Variants in MMS19 observed in about 807,000 individuals in gnomAD.
MMS19 encodes MMS19 cytosolic iron-sulfur assembly component, also known as MMS19 nucleotide excision repair protein homolog.
In MMS19, 77 loss-of-function variants were observed where a neutral mutation model predicts 129.8. That is an observed-to-expected ratio of 0.59 (90% CI 0.49 to 0.72). The LOEUF is 0.72. Ranked by LOEUF, MMS19 falls within the 30% of genes least tolerant of loss-of-function variation. The probability of loss-of-function intolerance (pLI) is 0.00; values close to 1 mark genes in which losing one functional copy is unlikely to be tolerated. For synonymous variants in MMS19, 491 were observed against 502.8 expected (o/e 0.98, Z 0.31); for missense variants, 1,168 against 1,266.3 (o/e 0.92, Z 1.18).
At chr10:97,470,744 G>T in intron 9 of MMS19, 31 bp downstream of exon 9, 1 of 1,411,708 alleles carries the variant, frequency 7.1e-7, no homozygotes, top group South Asian at 1.2e-5. Context: ...TATGGGCAGA[G>T]GCTATATACC....
In MMS19 at chr10:97,470,810, G is replaced by A. The variant is rs770408439; in HGVS notation, c.736C>T (p.Arg246Cys). Residue 246 changes from arginine to cysteine, a missense_variant, in exon 9 of 31, where the codon CGC (arginine) becomes TGC (cysteine). Physicochemically the swap from Arg to Cys is radical, Grantham distance 180. Around this residue, in one of 3 missense-constraint regions of MMS19, gnomAD observed 329 missense variants for 328.6 expected, o/e 1.00. Coordinates refer to ENST00000438925, the MANE Select transcript of MMS19 (RefSeq NM_022362.5). The part of the protein sequence containing the change: ...IQREDLILSL[R>C]AVLASTPRFA... ...CGTGGTGTAGAAGCCAGCACAGCGC[G>A]AAGACTCAGGATGAGGTCTTCTCTC... 1.7e-5 allele frequency: 27 copies of A among 1,613,710 alleles called. No homozygotes were observed. The highest frequency in any genetic ancestry group is 6.7e-5 in the Admixed American group (4 of 59,990).
intron 25 of MMS19, chr10:97,460,442 G>A (rs2031459913): frequency 3.2e-6 from 2 of 619,180 alleles, no homozygotes; most frequent in Admixed American, 5.9e-5. Context: ...GTGGTGGGGT[G>A]CCCCTGTAGT....
intron 10 of MMS19, among the ~76,000 whole-genome samples, 183 bp downstream of exon 10, chr10:97,469,945 TG>T (rs1396120399): frequency 6.6e-6 from 1 of 152,018 alleles, no homozygotes; most frequent in East Asian, 1.9e-4. Flanking sequence ...TCAGTTACTA[TG>T]GGATGGGGGA....
chr10:97,459,679 G>A lies in MMS19; in HGVS notation c.2719C>T (p.Leu907Phe). 1 of 1,612,488 alleles carries A rather than the reference G, an allele frequency of 6.2e-7. No homozygotes were observed. Among genetic ancestry groups the A allele is most frequent in the Non-Finnish European group, 8.5e-7 (1 of 1,179,244 alleles). Residue 907 changes from leucine to phenylalanine, a missense_variant, in exon 27 of 31, where the codon CTC becomes TTC. By Grantham distance (22) the Leu-to-Phe change is conservative. Coordinates refer to ENST00000438925, the MANE Select transcript of MMS19 (RefSeq NM_022362.5). ...CTTACCGTGGGCAGCTCTGGCAAGAGTACAGGCTTGGGCAGCCTGTTAAGT... is the reference window on the plus strand; with the variant it reads ...CTTACCGTGGGCAGCTCTGGCAAGAATACAGGCTTGGGCAGCCTGTTAAGT... ...HVLNRLPKPVLLPELPTLLSL... is the reference protein window; with the variant it reads ...HVLNRLPKPVFLPELPTLLSL...
intron 1 of MMS19, among the ~76,000 whole-genome samples, chr10:97,495,213 G>A (rs2039569826): frequency 1.3e-5 from 2 of 152,192 alleles, no homozygotes; most frequent in South Asian, 2.1e-4. Flanking sequence ...GGAATTAAAC[G>A]TCCAGGGAGC....
At chr10:97,480,151 C>T (rs1447790544) in intron 3 of MMS19, 1 of 372,992 alleles carries the variant, frequency 2.7e-6, no homozygotes, top group Admixed American at 3.7e-5. Context: ...AGCTTTTTTG[C>T]CGGCTATGTG....
At chr10:97,468,755 T>G (rs1404247473) in intron 12 of MMS19, among the ~76,000 whole-genome samples, 2 of 152,024 alleles carry the variant, frequency 1.3e-5, no homozygotes, top group African/African-American at 4.8e-5. Context: ...ATTACAGGCG[T>G]CCACCACCAC....
intron 13 of MMS19, among the ~76,000 whole-genome samples, chr10:97,467,894 C>CT (rs2033865353): frequency 6.6e-6 from 1 of 150,662 alleles, no homozygotes; most frequent in Non-Finnish European, 1.5e-5. Context: ...TCTTTAAATC[C>CT]TAGCCTCAAG....
At chr10:97,498,674 T>G (rs1589858770), upstream of MMS19, 3 of 426,622 alleles carry the variant, frequency 7.0e-6, no homozygotes, top group Non-Finnish European at 1.3e-5. Context: ...CCTGGCTGGG[T>G]GGGGAGAGGG....
Position 97,458,802 on chromosome 10 carries a change from C to T in MMS19, c.3063G>A (p.Glu1021=). ...CTCCCCACGACCTAGAAACTCACCA[C>T]TCCCCTCTGGCTGACACTGCTTCCT... The part of the protein sequence containing the change: ...VRKEAVSARG[E]WFLLGSPGS Residue 1021 remains glutamate, a splice_region_variant and synonymous_variant, in exon 30 of 31, where the codon GAG becomes GAA. Coordinates refer to ENST00000438925, the MANE Select transcript of MMS19 (RefSeq NM_022362.5). The T allele has an allele frequency of 1.2e-6, 2 of 1,613,996 alleles. No individual in the cohort carries two copies. The highest frequency in any genetic ancestry group is 2.7e-5 in the African/African-American group (2 of 75,042).
intron 8 of MMS19, among the ~76,000 whole-genome samples, chr10:97,471,135 G>A (rs1353572130): frequency 1.3e-5 from 2 of 151,950 alleles, no homozygotes; most frequent in South Asian, 2.1e-4. Flanking sequence ...TCCTTTCTTC[G>A]CTGATATATA....
At chr10:97,472,042 CA>C (rs1166614276) in intron 8 of MMS19, among the ~76,000 whole-genome samples, 1 of 152,010 alleles carries the variant, frequency 6.6e-6, no homozygotes, top group African/African-American at 2.4e-5. Flanking sequence ...CACGGGTTAC[CA>C]GATTGACAGG....
intron 19 of MMS19, among the ~76,000 whole-genome samples, chr10:97,463,590 A>C (rs1370998179): frequency 6.6e-6 from 1 of 152,242 alleles, no homozygotes; most frequent in African/African-American, 2.4e-5. Flanking sequence ...TCCAGAGTCC[A>C]ATTCTAAGTA....
chr10:97,482,740 A>G (rs997548199), intron 2 of MMS19, among the ~76,000 whole-genome samples: 2 of 80,614 alleles, frequency 2.5e-5, no homozygotes, highest in Non-Finnish European at 5.7e-5. Flanking sequence ...ATATATATAC[A>G]CACACACACA....
At chr10:97,464,388 C>G (rs1489309198) in intron 18 of MMS19, among the ~76,000 whole-genome samples, 1 of 152,136 alleles carries the variant, frequency 6.6e-6, no homozygotes, top group Non-Finnish European at 1.5e-5. Flanking sequence ...AGTTATAATC[C>G]AAGTCTAGTA....
At chr10:97,476,611 T>C in intron 8 of MMS19, 72 bp downstream of exon 8, 1 of 1,444,902 alleles carries the variant, frequency 6.9e-7, no homozygotes, top group Non-Finnish European at 9.6e-7. Context: ...GTACCCTCAG[T>C]GCCCAGAACA....
In MMS19 at chr10:97,463,719, C is replaced by A. The variant is rs2032673315; in HGVS notation, c.1912+139G>T. ...GGCACCCTTTGCTATGAAGTGAAAT[C>A]TCACTCTGAGGACAAAGGATTGAAA... On this transcript the variant is annotated intron_variant, in intron 19 of 30. Transcript: ENST00000438925. The A allele has an allele frequency of 4.7e-6, 4 of 850,128 alleles. No homozygotes were observed. The Admixed American group carries it at 1.1e-4, about 24-fold the overall frequency. 52.7% of individuals were successfully genotyped at this position (850,128 alleles called of 1,614,324 possible). A position where few individuals can be genotyped will look rare whatever the true frequency, so the allele number is the denominator to read the frequency against.
rs29001270 is a variant in MMS19 at position 97,488,538 on chromosome 10, TG to T, written c.113-4388del. Among the ~76,000 whole-genome samples, 168 of 152,330 alleles carry T rather than the reference TG, an allele frequency of 1.1e-3. 1 individual carries two copies. Among genetic ancestry groups the T allele is most frequent in the African/African-American group, 3.8e-3 (159 of 41,576 alleles). ...GGATGCTCAAGACCCTTATATAAAA[TG>T]GTAAGAGTATTTGCATACAAACTAT... is the stretch of plus-strand genomic sequence containing the variant. On this transcript the variant is annotated intron_variant, in intron 1 of 30. Transcript: ENST00000438925.
rs28987120 is a variant in MMS19 at position 97,471,663 on chromosome 10, C to T, written c.685-802G>A. Among the ~76,000 whole-genome samples, 233 of 152,138 alleles carry T rather than the reference C, an allele frequency of 1.5e-3. 1 individual carries two copies. The highest frequency in any genetic ancestry group is 3.7e-3 in the South Asian group (18 of 4,822). ...GTAGCTGGGGTTACAGGCGCACCAACACACCTGGCTAATTTTTATATATTT... is the reference window on the plus strand; with the variant it reads ...GTAGCTGGGGTTACAGGCGCACCAATACACCTGGCTAATTTTTATATATTT... On this transcript the variant is annotated intron_variant, in intron 8 of 30. Coordinates refer to ENST00000438925, the MANE Select transcript of MMS19 (RefSeq NM_022362.5).
Sources: allele counts gnomAD v4.1 joint callset (sites outside exome capture counted in the v4.1 genomes callset), GRCh38; gene constraint gnomAD v4.1.1; regional missense constraint gnomAD v4.1.1; transcripts MANE v1.5; gene names NCBI Gene and HGNC (gene_info 2026-07-23, HGNC 2026-07-21).